The following KIRREL3 variants were observed in gnomAD, a reference collection of about 807,000 sequenced individuals.
KIRREL3 encodes the protein kin of IRRE-like protein 3.
A neutral mutation model predicts 89.7 loss-of-function variants in KIRREL3; 36 were observed. The observed-to-expected ratio is 0.40, with a 90% confidence interval of 0.31 to 0.53. The LOEUF (loss-of-function observed/expected upper bound fraction) is 0.53, where lower values mean the gene tolerates loss of function less well. Among genes scored for constraint, KIRREL3 ranks in the 20% least tolerant of loss-of-function variants. The pLI is 0.49. For synonymous variants in KIRREL3, 445 were observed against 441.4 expected, an observed-to-expected ratio of 1.01 and a Z score of -0.10; for missense variants, 864 against 1,056.6, an observed-to-expected ratio of 0.82 and a Z score of 2.53.
At chr11:126,497,229 TGTGA>T (rs1957696281) in intron 4 of KIRREL3, among the ~76,000 whole-genome samples, 5 of 147,414 alleles carry the variant, frequency 3.4e-5, no homozygotes, top group Admixed American at 6.7e-5. Context: ...AGTGAGTGTG[TGTGA>T]GACAGTGTGA....
rs1940241068 is a variant in KIRREL3, at chr11:126,562,966, T to C, written c.56-54A>G. The C allele has an allele frequency of 2.9e-6, 4 of 1,401,730 alleles. No individual in the cohort carries two copies. The highest frequency in any genetic ancestry group is 2.3e-5 in the East Asian group (1 of 43,682). 86.8% of individuals were successfully genotyped at this position (1,401,730 alleles called of 1,614,324 possible). ...GGGAATGGGAACAGGTCAGGCATTG[T>C]TGGGGGGCCCTCTGCAGGGGGCTGT... is the stretch of plus-strand genomic sequence containing the variant. On this transcript the variant is annotated intron_variant, in intron 1 of 16. Coordinates refer to ENST00000525144, the MANE Select transcript of KIRREL3 (RefSeq NM_032531.4). This position sits in a 1 kb window ranked among gnomAD's most constrained non-coding sequence, Gnocchi z 4.7.
intron 1 of KIRREL3, among the ~76,000 whole-genome samples, chr11:126,859,564 G>T (rs527659124): frequency 8.3e-4 from 127 of 152,326 alleles, no homozygotes; most frequent in Non-Finnish European, 1.4e-3. Context: ...AGCTGCAAAA[G>T]CTTGTTCATA....
At chr11:126,540,377 G>A (rs563209494) in intron 2 of KIRREL3, among the ~76,000 whole-genome samples, 24 of 152,312 alleles carry the variant, frequency 1.6e-4, no homozygotes, top group African/African-American at 5.8e-4. Flanking sequence ...CCCTATGCTT[G>A]TTCCTCACCC....
rs901106336 is a variant in KIRREL3 at position 126,578,432 on chromosome 11, T to A, written c.56-15520A>T. Among the ~76,000 whole-genome samples the A allele has an allele frequency of 6.6e-6, 1 of 152,216 alleles. No homozygotes were observed. Among genetic ancestry groups the A allele is most frequent in the Non-Finnish European group, 1.5e-5 (1 of 68,040 alleles). On this transcript the variant is annotated intron_variant, in intron 1 of 16. Coordinates refer to ENST00000525144, the MANE Select transcript of KIRREL3 (RefSeq NM_032531.4). The surrounding 1 kb of genome is among the most constrained non-coding windows in gnomAD (Gnocchi z 4.9). ...GGATGATCTTGGTCTTGGCGTGAAC[T>A]TCCACATGAACGTGACTCCGTGCCT...
At chr11:126,730,458 C>A (rs1004143241) in intron 1 of KIRREL3, among the ~76,000 whole-genome samples, 1 of 152,234 alleles carries the variant, frequency 6.6e-6, no homozygotes, top group Admixed American at 6.5e-5. Context: ...TGCCCATTCT[C>A]GCAGCTCTGA....
intron 6 of KIRREL3, among the ~76,000 whole-genome samples, chr11:126,458,638 C>G (rs998795739): frequency 1.1e-4 from 16 of 152,184 alleles, no homozygotes; most frequent in African/African-American, 3.9e-4. Flanking sequence ...AGGTGGCTGA[C>G]TGTGCTGGGG....
At chr11:126,849,587 T>C (rs7127122) in intron 1 of KIRREL3, among the ~76,000 whole-genome samples, 131,566 of 152,106 alleles carry the variant, frequency 0.86, 57,270 homozygotes, top group East Asian at 1. Flanking sequence ...TTTCTATTTC[T>C]CCTGTCCCTG....
intron 1 of KIRREL3, among the ~76,000 whole-genome samples, chr11:126,803,925 T>G (rs1951121159): frequency 6.6e-6 from 1 of 152,176 alleles, no homozygotes; most frequent in Non-Finnish European, 1.5e-5. Flanking sequence ...AAGCGGGCCC[T>G]TTGTGGTCAG....
chr11:126,794,373 G>A (rs966514544), intron 1 of KIRREL3, among the ~76,000 whole-genome samples: 1 of 152,120 alleles, frequency 6.6e-6, no homozygotes. Flanking sequence ...AGAGGACATG[G>A]GCTTTTTAGG....
chr11:126,746,891 A>T (rs1949170380), intron 1 of KIRREL3, among the ~76,000 whole-genome samples: 2 of 152,186 alleles, frequency 1.3e-5, no homozygotes, highest in East Asian at 3.8e-4. Context: ...CTGGTTCAGG[A>T]GGAACAGCCT....
At position 126,477,613 on chromosome 11, in the gene KIRREL3, T is replaced by C. The variant is rs990679099; in HGVS notation, c.434-4147A>G. Among the ~76,000 whole-genome samples, 67 of 152,268 alleles carry C rather than the reference T, an allele frequency of 4.4e-4. No individual in the cohort carries two copies. Among genetic ancestry groups the C allele is most frequent in the Middle Eastern group, 3.4e-3 (1 of 294 alleles). On this transcript the variant is annotated intron_variant, in intron 4 of 16. Coordinates refer to ENST00000525144, the MANE Select transcript of KIRREL3 (RefSeq NM_032531.4). The surrounding 1 kb of genome is among the most constrained non-coding windows in gnomAD (Gnocchi z 4.8). ...GTTCTCTCTAACCTCTATACTCCCC[T>C]TTTTTTAGAGACAGTTTGCCAGGTT...
At chr11:126,980,883 G>A (rs1949704005) in intron 1 of KIRREL3, among the ~76,000 whole-genome samples, 1 of 152,194 alleles carries the variant, frequency 6.6e-6, no homozygotes, top group Non-Finnish European at 1.5e-5. Context: ...TATTTTCATT[G>A]TTACTCTCAG....
intron 1 of KIRREL3, among the ~76,000 whole-genome samples, chr11:126,831,622 A>T (rs1353116526): frequency 6.6e-6 from 1 of 152,214 alleles, no homozygotes; most frequent in Non-Finnish European, 1.5e-5. Flanking sequence ...TGACTCAGCA[A>T]TTGCAGAATG....
At chr11:126,921,780 T>G (rs1241845557) in intron 1 of KIRREL3, among the ~76,000 whole-genome samples, 1 of 147,044 alleles carries the variant, frequency 6.8e-6, no homozygotes, top group African/African-American at 2.7e-5. Flanking sequence ...TATCTATCTA[T>G]CTATCTATCT....
intron 1 of KIRREL3, among the ~76,000 whole-genome samples, chr11:126,787,788 C>T (rs1950524863): frequency 6.6e-6 from 1 of 152,160 alleles, no homozygotes; most frequent in South Asian, 2.1e-4. Flanking sequence ...ATACAGGTTG[C>T]CTTAGAAGGG....
At chr11:126,836,018 A>C (rs2134504712) in intron 1 of KIRREL3, among the ~76,000 whole-genome samples, 1 of 152,306 alleles carries the variant, frequency 6.6e-6, no homozygotes, top group Non-Finnish European at 1.5e-5. Context: ...GATACCAGGA[A>C]AGTAACATGT....
At chr11:126,767,577 C>A (rs1949865665) in intron 1 of KIRREL3, among the ~76,000 whole-genome samples, 1 of 149,786 alleles carries the variant, frequency 6.7e-6, no homozygotes, top group Non-Finnish European at 1.5e-5. Flanking sequence ...ACTGTATAGA[C>A]CACTGTAGGG....
intron 1 of KIRREL3, among the ~76,000 whole-genome samples, chr11:126,941,553 C>T (rs1351798453): frequency 2.6e-5 from 4 of 152,296 alleles, no homozygotes; most frequent in Middle Eastern, 3.4e-3. Context: ...GTTGACATTC[C>T]GGCAGCCTAG....
chr11:126,596,875 C>T (rs937659182), intron 1 of KIRREL3, among the ~76,000 whole-genome samples: 5 of 152,176 alleles, frequency 3.3e-5, no homozygotes, highest in East Asian at 3.9e-4. Context: ...AGACAGAGCC[C>T]GGGCTGCAGT....
Sources: gnomAD v4.1 joint callset for allele counts (sites outside exome capture counted in the v4.1 genomes callset) on GRCh38, gnomAD v4.1.1 for gene constraint, Gnocchi (gnomAD v3.1) non-coding constraint, MANE v1.5 for transcripts, NCBI Gene and HGNC (gene_info 2026-07-23, HGNC 2026-07-21) for gene names.